The following SSH2 variants were observed in gnomAD, a reference collection of about 807,000 sequenced individuals.
SSH2 encodes the protein protein phosphatase Slingshot homolog 2.
Under a neutral mutation model 135.2 loss-of-function variants are expected in SSH2, and 37 were observed. That is an observed-to-expected ratio of 0.27 (90% CI 0.21 to 0.36). SSH2 has a LOEUF of 0.36. Among genes scored for constraint, SSH2 ranks in the 10% least tolerant of loss-of-function variants. SSH2 has a pLI of 1.00. For missense variants in SSH2, 1,408 were observed against 1,765.3 expected, an observed-to-expected ratio of 0.80 and a Z score of 3.63; for synonymous variants, 628 against 646.2, an observed-to-expected ratio of 0.97 and a Z score of 0.43.
intron 3 of SSH2, among the ~76,000 whole-genome samples, chr17:29,718,817 C>T (rs911223757): frequency 4.0e-5 from 6 of 149,288 alleles, no homozygotes; most frequent in African/African-American, 9.8e-5. Context: ...CAAGATGGCT[C>T]ATTTACATGG....
At chr17:29,834,309 T>C (rs977681223) in intron 2 of SSH2, among the ~76,000 whole-genome samples, 7 of 152,164 alleles carry the variant, frequency 4.6e-5, no homozygotes, top group African/African-American at 9.6e-5. Context: ...TGATATCACA[T>C]TGAATTGGCA....
chr17:29,854,920 C>A (rs747450760), intron 1 of SSH2, among the ~76,000 whole-genome samples: 2 of 152,050 alleles, frequency 1.3e-5, no homozygotes, highest in Non-Finnish European at 2.9e-5. Flanking sequence ...GCACTCCAGC[C>A]TGGGAGACAG....
intron 11 of SSH2, among the ~76,000 whole-genome samples, chr17:29,662,034 C>G (rs1000472541): frequency 2.0e-5 from 3 of 152,166 alleles, no homozygotes; most frequent in African/African-American, 7.2e-5. Context: ...TCCCCCCCGC[C>G]CATGCTTCAT....
Position 29,812,946 on chromosome 17 carries a change from G to C in SSH2, c.145-19009C>G, listed in dbSNP as rs369697167. Among the ~76,000 whole-genome samples the C allele has an allele frequency of 2.0e-5, 3 of 151,746 alleles. No homozygotes were observed. In the South Asian group the frequency reaches 6.2e-4, roughly 32 times the overall value. On this transcript the variant is annotated intron_variant, in intron 2 of 15. Transcript: ENST00000540801. ...CCATGCCATATATTCAAAACCAAAA[G>C]TGTATACAGAGAGAGGGAGAAGAAA... is the stretch of plus-strand genomic sequence containing the variant.
intron 3 of SSH2, among the ~76,000 whole-genome samples, chr17:29,770,645 G>A (rs2041562788): frequency 6.6e-6 from 1 of 151,780 alleles, no homozygotes; most frequent in Non-Finnish European, 1.5e-5. Context: ...GGTAATTTTT[G>A]TATTTTTAGT....
In SSH2 at chr17:29,650,921, T is replaced by G. The variant is rs554740090; in HGVS notation, c.1080-121A>C. ...AGACTGAAATTAAATACAAAAATAA[T>G]GAAGACAGCTAAAAAACTAAGAGGT... On this transcript the variant is annotated intron_variant, in intron 12 of 15. Transcript: ENST00000540801. The G allele has an allele frequency of 1.7e-5, 13 of 766,588 alleles. No homozygotes were observed. In the South Asian group the frequency reaches 3.2e-4, roughly 19 times the overall value. 47.5% of individuals were successfully genotyped at this position (766,588 alleles called of 1,614,324 possible). A position where few individuals can be genotyped will look rare whatever the true frequency, so the allele number is the denominator to read the frequency against.
intron 3 of SSH2, among the ~76,000 whole-genome samples, chr17:29,763,300 G>A (rs1207934557): frequency 1.3e-5 from 2 of 152,122 alleles, no homozygotes; most frequent in African/African-American, 4.8e-5. Context: ...GGATCTTGGA[G>A]TTCATCATCT....
chr17:29,641,251 A>G (rs1043869804), intron 14 of SSH2, among the ~76,000 whole-genome samples: 2 of 152,174 alleles, frequency 1.3e-5, no homozygotes, highest in Non-Finnish European at 2.9e-5. Context: ...GTTTTTTTCC[A>G]ATGAAGCTTT....
In SSH2 at chr17:29,632,308, CCCTTTG is replaced by C; in HGVS notation, c.2880_2885del (p.Gly962_Lys963del). 1 of 1,614,090 alleles carries C rather than the reference CCCTTTG, an allele frequency of 6.2e-7. No homozygotes were observed. The highest frequency in any genetic ancestry group is 8.5e-7 in the Non-Finnish European group (1 of 1,179,954). On this transcript the variant is annotated inframe_deletion, in exon 16 of 16. Transcript: ENST00000540801. The stretch of plus-strand genomic sequence containing the variant: ...AGCCAGCCTCAGACCCACTGTATTT[CCCTTTG>C]CCTTTGCTCATTTCTGGTTCCTTGA...
chr17:29,817,231 A>T (rs534874323), intron 2 of SSH2, among the ~76,000 whole-genome samples: 1 of 152,206 alleles, frequency 6.6e-6, no homozygotes, highest in East Asian at 1.9e-4. Flanking sequence ...AACAACTTCC[A>T]CACTGTCCTC....
At chr17:29,720,249 A>G (rs976722801) in intron 3 of SSH2, among the ~76,000 whole-genome samples, 2 of 152,134 alleles carry the variant, frequency 1.3e-5, no homozygotes, top group Non-Finnish European at 2.9e-5. Context: ...TTTTTTTGTT[A>G]TTTAAAAAAT....
chr17:29,852,946 G>A (rs752381036), intron 1 of SSH2, among the ~76,000 whole-genome samples: 2 of 151,794 alleles, frequency 1.3e-5, no homozygotes, highest in African/African-American at 4.9e-5. Flanking sequence ...TTGCAAGGAC[G>A]AATTAATATT....
intron 2 of SSH2, among the ~76,000 whole-genome samples, chr17:29,826,001 GTAGACATTC>G: frequency 6.6e-6 from 1 of 152,260 alleles, no homozygotes; most frequent in South Asian, 2.1e-4. Context: ...ACCTAATTCT[GTAGACATTC>G]ATGTTTTTAG....
At chr17:29,690,555 C>T (rs1288745348) in intron 5 of SSH2, among the ~76,000 whole-genome samples, 1 of 151,952 alleles carries the variant, frequency 6.6e-6, no homozygotes, top group Non-Finnish European at 1.5e-5. Context: ...AGGCAGTTCA[C>T]CCAATCCATC....
chr17:29,794,874 A>G (rs2042131088), intron 2 of SSH2, among the ~76,000 whole-genome samples: 1 of 152,240 alleles, frequency 6.6e-6, no homozygotes, highest in Non-Finnish European at 1.5e-5. Context: ...TTATGATATT[A>G]TACTGATCTT....
chr17:29,742,646 G>A (rs1284297597), intron 3 of SSH2, among the ~76,000 whole-genome samples: 3 of 148,852 alleles, frequency 2.0e-5, no homozygotes, highest in African/African-American at 7.4e-5. Flanking sequence ...TTCATTTTTT[G>A]TTTTTTGAGA....
chr17:29,833,374 C>G (rs1396993462), intron 2 of SSH2, among the ~76,000 whole-genome samples: 1 of 152,136 alleles, frequency 6.6e-6, no homozygotes, highest in East Asian at 1.9e-4. Context: ...GTCTTGAAAT[C>G]TATTTTATCT....
At chr17:29,863,571 C>G (rs866966535) in intron 1 of SSH2, 15 of 152,054 alleles carry the variant, frequency 9.9e-5, no homozygotes, top group African/African-American at 3.4e-4. Flanking sequence ...ATTTTGTGAC[C>G]TCAAAAAGAG....
At chr17:29,710,656 CA>C (rs1165490098) in intron 3 of SSH2, among the ~76,000 whole-genome samples, 1 of 152,150 alleles carries the variant, frequency 6.6e-6, no homozygotes, top group African/African-American at 2.4e-5. Flanking sequence ...ACACCACAGA[CA>C]GGGAATTTCA....
Sources: allele counts gnomAD v4.1 joint callset (sites outside exome capture counted in the v4.1 genomes callset), GRCh38; gene constraint gnomAD v4.1.1; transcripts MANE v1.5; gene names NCBI Gene and HGNC (gene_info 2026-07-23, HGNC 2026-07-21).